EPHA6: variants seen among roughly 807,000 people sequenced by gnomAD.
EPHA6 encodes the protein ephrin type-A receptor 6.
A neutral mutation model predicts 112.0 loss-of-function variants in EPHA6; 50 were observed. The ratio of observed to expected loss-of-function variants is 0.45; its 90% CI spans 0.36 to 0.56. The LOEUF is 0.56. Ranked by LOEUF, EPHA6 falls within the 20% of genes least tolerant of loss-of-function variation. EPHA6 has a pLI of 0.00. For synonymous variants in EPHA6, 529 were observed against 490.7 expected, an observed-to-expected ratio of 1.08 and a Z score of -1.03; for missense variants, 1,280 against 1,417.4, an observed-to-expected ratio of 0.90 and a Z score of 1.56.
intron 3 of EPHA6, among the ~76,000 whole-genome samples, chr3:97,172,885 T>C (rs941283463): frequency 5.3e-5 from 8 of 151,966 alleles, no homozygotes; most frequent in Non-Finnish European, 1.2e-4. Context: ...CAACAGTATT[T>C]ACATTTTTAT....
chr3:97,229,377 A>G (rs2078455292), intron 4 of EPHA6, among the ~76,000 whole-genome samples: 1 of 152,084 alleles, frequency 6.6e-6, no homozygotes, highest in Non-Finnish European at 1.5e-5. Flanking sequence ...TTTGATCTAT[A>G]TTGATTTGAT....
chr3:96,978,087 G>T (rs2042604807), intron 2 of EPHA6, among the ~76,000 whole-genome samples: 1 of 152,164 alleles, frequency 6.6e-6, no homozygotes, highest in Admixed American at 6.5e-5. Context: ...TTGAGCCTGG[G>T]ACATGGAGGT....
At chr3:97,623,336 C>T (rs1182678811) in intron 13 of EPHA6, among the ~76,000 whole-genome samples, 1 of 151,642 alleles carries the variant, frequency 6.6e-6, no homozygotes, top group Non-Finnish European at 1.5e-5. Context: ...TTCAGCTTTC[C>T]TAGCATCATT....
intron 3 of EPHA6, among the ~76,000 whole-genome samples, chr3:96,991,601 A>G (rs1231178612): frequency 2.6e-5 from 4 of 152,156 alleles, no homozygotes; most frequent in Admixed American, 6.5e-5. Context: ...TGCCACCATG[A>G]CAATACATTA....
At chr3:96,961,257 A>G (rs1289142211) in intron 2 of EPHA6, among the ~76,000 whole-genome samples, 2 of 152,228 alleles carry the variant, frequency 1.3e-5, no homozygotes, top group African/African-American at 4.8e-5. Flanking sequence ...TCTGGGGCTC[A>G]AGTTCTCAAA....
intron 6 of EPHA6, among the ~76,000 whole-genome samples, chr3:97,437,895 C>A (rs1202005759): frequency 1.3e-5 from 2 of 151,988 alleles, no homozygotes; most frequent in African/African-American, 2.4e-5. Context: ...AATATGTATT[C>A]TTTAAATGTT....
intron 3 of EPHA6, among the ~76,000 whole-genome samples, chr3:97,101,277 A>G (rs1042410531): frequency 2.0e-5 from 3 of 152,062 alleles, no homozygotes; most frequent in African/African-American, 7.2e-5. Flanking sequence ...ACTTCATTTT[A>G]CAAAGGAAGA....
intron 3 of EPHA6, among the ~76,000 whole-genome samples, chr3:97,014,336 C>T (rs1012288349): frequency 6.6e-6 from 1 of 151,632 alleles, no homozygotes; most frequent in Non-Finnish European, 1.5e-5. Context: ...CTCCTTCCCT[C>T]CCTTCCTCCC....
chr3:97,510,550 TCCTCTGGAAGCTTCATCC>T (rs1406930533), intron 10 of EPHA6, among the ~76,000 whole-genome samples: 7 of 152,184 alleles, frequency 4.6e-5, no homozygotes, highest in African/African-American at 1.7e-4. Flanking sequence ...GCCTCTTCCT[TCCTCTGGAAGCTTCATCC>T]CAGAGGGGCA....
intron 14 of EPHA6, among the ~76,000 whole-genome samples, chr3:97,653,280 G>A (rs2094118524): frequency 6.6e-6 from 1 of 151,838 alleles, no homozygotes; most frequent in Admixed American, 6.6e-5. Context: ...GAATTAATAT[G>A]CAAAATATGT....
chr3:97,443,981 T>C (rs2107294527), intron 6 of EPHA6, among the ~76,000 whole-genome samples: 1 of 152,230 alleles, frequency 6.6e-6, no homozygotes, highest in East Asian at 1.9e-4. Flanking sequence ...ACAAGTTGTG[T>C]GACTTGTTTT....
chr3:97,214,179 C>T (rs2077966714), intron 3 of EPHA6, among the ~76,000 whole-genome samples: 2 of 152,004 alleles, frequency 1.3e-5, no homozygotes, highest in Non-Finnish European at 2.9e-5. Context: ...GCTGGAATTC[C>T]AGGTGCCTGC....
At chr3:97,161,466 A>C (rs1373173359) in intron 3 of EPHA6, among the ~76,000 whole-genome samples, 1 of 152,162 alleles carries the variant, frequency 6.6e-6, no homozygotes, top group East Asian at 1.9e-4. Context: ...CTTGCACAGC[A>C]ATCTGGATCT....
intron 14 of EPHA6, among the ~76,000 whole-genome samples, chr3:97,689,666 C>T (rs186550292): frequency 3.1e-4 from 47 of 152,196 alleles, no homozygotes; most frequent in Admixed American, 1.2e-3. Flanking sequence ...ACAGAAATGT[C>T]GATCATTTAA....
intron 5 of EPHA6, among the ~76,000 whole-genome samples, chr3:97,313,846 T>C (rs574036565): frequency 5.9e-5 from 9 of 151,770 alleles, no homozygotes; most frequent in African/African-American, 2.2e-4. Flanking sequence ...ACTCTATTCG[T>C]TATTTCCTTT....
intron 14 of EPHA6, among the ~76,000 whole-genome samples, chr3:97,701,532 T>C (rs1439951280): frequency 6.6e-6 from 1 of 152,102 alleles, no homozygotes; most frequent in Non-Finnish European, 1.5e-5. Flanking sequence ...ATATTTTGCA[T>C]TAACAACTAA....
intron 2 of EPHA6, among the ~76,000 whole-genome samples, chr3:96,896,859 T>C (rs2107558012): frequency 6.6e-6 from 1 of 152,312 alleles, no homozygotes; most frequent in African/African-American, 2.4e-5. Context: ...TCAAGTTGAA[T>C]AGTGTAAGCC....
At chr3:97,457,692 C>T (rs925694547) in intron 7 of EPHA6, among the ~76,000 whole-genome samples, 8 of 151,874 alleles carry the variant, frequency 5.3e-5, no homozygotes, top group Admixed American at 5.3e-4. Context: ...CTTTTTTCAC[C>T]ATAAAGTCAC....
intron 5 of EPHA6, among the ~76,000 whole-genome samples, chr3:97,389,662 A>G (rs575666600): frequency 2.4e-3 from 373 of 152,322 alleles, no homozygotes; most frequent in Non-Finnish European, 3.5e-3. Context: ...AGAACATAAA[A>G]TGAAAGATTA....
Sources: gnomAD v4.1 joint callset for allele counts (sites outside exome capture counted in the v4.1 genomes callset) on GRCh38, gnomAD v4.1.1 for gene constraint, MANE v1.5 for transcripts, NCBI Gene and HGNC (gene_info 2026-07-23, HGNC 2026-07-21) for gene names.